Variants in RNF11 observed in about 807,000 individuals in gnomAD.
RNF11 encodes ring finger protein 11.
RNF11 carries 4 observed loss-of-function variants against 15.8 expected under a neutral mutation model. That is an observed-to-expected ratio of 0.25 (90% CI 0.12 to 0.58). RNF11 has a LOEUF of 0.58. Among genes scored for constraint, RNF11 ranks in the 20% least tolerant of loss-of-function variants. The pLI is 0.91. For synonymous variants in RNF11, 68 were observed against 72.3 expected, an observed-to-expected ratio of 0.94 and a Z score of 0.30; for missense variants, 139 against 194.4, an observed-to-expected ratio of 0.71 and a Z score of 1.70.
At chr1:51,239,262 T>G (rs1404260737) in intron 1 of RNF11, among the ~76,000 whole-genome samples, 2 of 152,302 alleles carry the variant, frequency 1.3e-5, no homozygotes, top group East Asian at 3.9e-4. Flanking sequence ...GAAACTGTGT[T>G]TGCCTTTTCC....
At chr1:51,236,960 C>G in intron 1 of RNF11, 81 bp downstream of exon 1, 1 of 1,505,754 alleles carries the variant, frequency 6.6e-7, no homozygotes, top group East Asian at 2.5e-5. Flanking sequence ...CGTCTCTGCC[C>G]CTGGCTTCGG....
At chr1:51,265,894 C>T (rs1646952509) in intron 1 of RNF11, 1 of 149,706 alleles carries the variant, frequency 6.7e-6, no homozygotes, top group Non-Finnish European at 1.5e-5. Context: ...CTCTGTGGGC[C>T]AGGCTGGAGT....
chr1:51,253,591 G>C (rs1378728433), intron 1 of RNF11, among the ~76,000 whole-genome samples: 1 of 151,688 alleles, frequency 6.6e-6, no homozygotes, highest in Non-Finnish European at 1.5e-5. Flanking sequence ...GATTGTGTTA[G>C]ATCCTAGAAT....
intron 1 of RNF11, among the ~76,000 whole-genome samples, chr1:51,265,502 G>A (rs1569683360): frequency 6.6e-6 from 1 of 151,656 alleles, no homozygotes; most frequent in African/African-American, 2.4e-5. Context: ...TTGGATTCTC[G>A]CTCTTTCTCT....
At chr1:51,242,537 C>T (rs1646834217) in intron 1 of RNF11, among the ~76,000 whole-genome samples, 1 of 152,080 alleles carries the variant, frequency 6.6e-6, no homozygotes, top group African/African-American at 2.4e-5. Context: ...TTGGTTTATC[C>T]TGTAGAATGC....
intron 1 of RNF11, among the ~76,000 whole-genome samples, chr1:51,247,531 C>T (rs572900630): frequency 2.6e-5 from 4 of 152,122 alleles, no homozygotes; most frequent in African/African-American, 9.6e-5. Flanking sequence ...AGCCATCCTC[C>T]TGCCTCACCC....
chr1:51,237,725 A>G (rs1269173434), intron 1 of RNF11, among the ~76,000 whole-genome samples: 1 of 152,128 alleles, frequency 6.6e-6, no homozygotes, highest in Non-Finnish European at 1.5e-5. Flanking sequence ...AGGTATGTGG[A>G]TGTTATAATC....
intron 1 of RNF11, chr1:51,266,065 A>T (rs1646953370): frequency 6.6e-6 from 1 of 152,134 alleles, no homozygotes; most frequent in Non-Finnish European, 1.5e-5. Context: ...CTGATGAGGA[A>T]CCTTAATGCT....
chr1:51,245,355 ATT>A (rs1201160051), intron 1 of RNF11, among the ~76,000 whole-genome samples: 1 of 151,966 alleles, frequency 6.6e-6, no homozygotes, highest in Non-Finnish European at 1.5e-5. Flanking sequence ...GTCTCACTAT[ATT>A]GCCCAGGCTG....
chr1:51,257,041 A>G (rs753789709), intron 1 of RNF11, among the ~76,000 whole-genome samples: 1 of 152,204 alleles, frequency 6.6e-6, no homozygotes, highest in Non-Finnish European at 1.5e-5. Context: ...CATCCTTGCC[A>G]GGACTTAATG....
intron 1 of RNF11, among the ~76,000 whole-genome samples, chr1:51,239,861 C>T (rs989095450): frequency 1.1e-4 from 16 of 152,316 alleles, no homozygotes; most frequent in Admixed American, 2.0e-4. Flanking sequence ...GTACAATGTA[C>T]ATATAATGAC....
intron 1 of RNF11, among the ~76,000 whole-genome samples, chr1:51,239,957 A>G (rs1411523246): frequency 6.6e-6 from 1 of 152,160 alleles, no homozygotes; most frequent in African/African-American, 2.4e-5. Flanking sequence ...CTGCACCATT[A>G]TGATCCAAGT....
In RNF11 at chr1:51,271,553, T is replaced by C. The variant is rs1404922490; in HGVS notation, c.*231T>C. ...AGCCTTGACCCAATGTTTAAAAATA[T>C]AATTGTATTTAGATCTTGTTATTGC... On this transcript the variant is annotated 3_prime_UTR_variant, in exon 3 of 3. Coordinates refer to ENST00000242719, the MANE Select transcript of RNF11 (RefSeq NM_014372.5). The C allele has an allele frequency of 1.5e-5, 6 of 408,828 alleles. No homozygotes were observed. The highest frequency in any genetic ancestry group is 2.7e-5 in the Non-Finnish European group (6 of 225,406). 25.3% of individuals were successfully genotyped at this position (408,828 alleles called of 1,614,324 possible). A position where few individuals can be genotyped will look rare whatever the true frequency, so the allele number is the denominator to read the frequency against.
At chr1:51,262,844 A>T (rs1646937115) in intron 1 of RNF11, among the ~76,000 whole-genome samples, 1 of 151,644 alleles carries the variant, frequency 6.6e-6, no homozygotes, top group South Asian at 2.1e-4. Flanking sequence ...AATACTTGTA[A>T]ATCATTGGTC....
chr1:51,251,127 G>T lies in RNF11; in HGVS notation c.123+14248G>T, dbSNP rs372296056. 4.4e-4 allele frequency: 689 copies of T among 1,552,250 alleles called. 7 individuals carry two copies. The East Asian group carries it at 0.012, about 28-fold the overall frequency. On this transcript the variant is annotated intron_variant, in intron 1 of 2. Coordinates refer to ENST00000242719, the MANE Select transcript of RNF11 (RefSeq NM_014372.5). ...CGCCTTGAACCTGGTGCGCTGGCCA[G>T]CACGGGTCTGCGTCTGCACTGGCAT...
Position 51,236,359 on chromosome 1 carries a change from G to GGGGGCAGCAGCAGCT in RNF11, c.-396_-382dup, listed in dbSNP as rs1178719991. 1.3e-5 allele frequency: 2 copies of GGGGGCAGCAGCAGCT among 154,990 alleles called. No homozygotes were observed. Among genetic ancestry groups the GGGGGCAGCAGCAGCT allele is most frequent in the African/African-American group, 2.4e-5 (1 of 41,408 alleles). The allele number at this position is 154,990 out of a possible 1,614,324, so 9.6% of individuals were successfully genotyped here. On this transcript the variant is annotated 5_prime_UTR_variant, in exon 1 of 3. Coordinates refer to ENST00000242719, the MANE Select transcript of RNF11 (RefSeq NM_014372.5). The stretch of plus-strand genomic sequence containing the variant: ...CCGCGGCCGTGGCTCCGGCGTCGGC[G>GGGGGCAGCAGCAGCT]GGGGCAGCAGCAGCTGAGGCAGCAG...
At chr1:51,242,378 G>GCA (rs1358695545) in intron 1 of RNF11, among the ~76,000 whole-genome samples, 1 of 136,946 alleles carries the variant, frequency 7.3e-6, no homozygotes, top group East Asian at 2.1e-4. Context: ...TGTCATCCCA[G>GCA]CACTTAGGTG....
chr1:51,269,305 C>T (rs1304647387), intron 1 of RNF11, among the ~76,000 whole-genome samples: 3 of 152,286 alleles, frequency 2.0e-5, no homozygotes, highest in Non-Finnish European at 4.4e-5. Flanking sequence ...CATGGCTCAA[C>T]CCTGTGGCCC....
At chr1:51,242,277 A>G (rs1646832721) in intron 1 of RNF11, among the ~76,000 whole-genome samples, 1 of 150,268 alleles carries the variant, frequency 6.7e-6, no homozygotes, top group Non-Finnish European at 1.5e-5. Context: ...AAAATGTAAC[A>G]TTTTGGATAT....
Sources: allele counts gnomAD v4.1 joint callset (sites outside exome capture counted in the v4.1 genomes callset), GRCh38; gene constraint gnomAD v4.1.1; transcripts MANE v1.5; gene names NCBI Gene and HGNC (gene_info 2026-07-23, HGNC 2026-07-21).